Variants in FBRSL1 observed in about 807,000 individuals in gnomAD.
FBRSL1 encodes fibrosin-1-like protein.
In FBRSL1, 51 loss-of-function variants were observed where a neutral mutation model predicts 89.6. The observed-to-expected ratio is 0.57, with a 90% confidence interval of 0.45 to 0.72. The LOEUF (loss-of-function observed/expected upper bound fraction) is 0.72, where lower values mean the gene tolerates loss of function less well. Among genes scored for constraint, FBRSL1 ranks in the 30% least tolerant of loss-of-function variants. The pLI, the probability that FBRSL1 is intolerant of heterozygous loss-of-function variation, is 0.00. For missense variants in FBRSL1, 1,618 were observed against 1,451.8 expected (o/e 1.11, Z -1.86); for synonymous variants, 779 against 681.1 (o/e 1.14, Z -2.24).
chr12:132,540,998 C>T (rs921257912), intron 4 of FBRSL1, among the ~76,000 whole-genome samples: 1 of 152,088 alleles, frequency 6.6e-6, no homozygotes, highest in Non-Finnish European at 1.5e-5. Context: ...TACCCCAAGG[C>T]ACGTCAGGTG....
At position 132,583,101 on chromosome 12, in the gene FBRSL1, G is replaced by A. The variant is rs1289161133; in HGVS notation, c.2332G>A (p.Ala778Thr). Residue 778 changes from alanine to threonine, a missense_variant, in exon 19 of 19, where the codon GCC becomes ACC. By Grantham distance (58) the Ala-to-Thr change is moderately conservative. Transcript: ENST00000680143. ...GRSGAPAERE[A>T]EPRVKESRSP... ...GTCCGGGGCCCCCGCGGAGCGCGAG[G>A]CCGAACCTCGGGTCAAGGAGAGCCG... 1 of 1,455,058 alleles carries A rather than the reference G, an allele frequency of 6.9e-7. No homozygotes were observed. The highest frequency in any genetic ancestry group is 9.0e-7 in the Non-Finnish European group (1 of 1,107,314). 90.1% of individuals were successfully genotyped at this position (1,455,058 alleles called of 1,614,324 possible).
rs1431716062 is a variant in FBRSL1 at position 132,572,695 on chromosome 12, G to T, written c.1530+73G>T. On this transcript the variant is annotated intron_variant, in intron 11 of 18. Coordinates refer to ENST00000680143, the MANE Select transcript of FBRSL1 (RefSeq NM_001367871.1). ...TTTGGGGGGAGTGCATGACAACCTC[G>T]CCAAACTCTCTGCCCACAACCACCC... is the stretch of plus-strand genomic sequence containing the variant. 2.8e-6 allele frequency: 3 copies of T among 1,081,024 alleles called. 1 individual carries two copies. The highest frequency in any genetic ancestry group is 2.7e-5 in the South Asian group (2 of 74,612). The allele number at this position is 1,081,024 out of a possible 1,614,324, so 67.0% of individuals were successfully genotyped here.
At chr12:132,518,170 A>C (rs2035012856) in intron 2 of FBRSL1, among the ~76,000 whole-genome samples, 1 of 152,130 alleles carries the variant, frequency 6.6e-6, no homozygotes, top group African/African-American at 2.4e-5. Context: ...CGCACTTCCT[A>C]GGCCTTAACT....
intron 5 of FBRSL1, 89 bp downstream of exon 5, chr12:132,548,121 G>C (rs1370521395): frequency 1.4e-6 from 2 of 1,478,296 alleles, no homozygotes; most frequent in Non-Finnish European, 1.8e-6. Flanking sequence ...CTGGAGACCA[G>C]GCAGAAGATC....
intron 4 of FBRSL1, among the ~76,000 whole-genome samples, chr12:132,531,003 G>A (rs1270178289): frequency 6.6e-6 from 1 of 150,512 alleles, no homozygotes; most frequent in African/African-American, 2.4e-5. Context: ...GTGGGGGGGG[G>A]GGTGCAGGTG....
rs940259008 is a variant in FBRSL1 at position 132,584,028 on chromosome 12, A to G, written c.*250A>G. Reference sequence around the variant, plus strand: ...CCCCCCACAGATGAGAAGTGTTTGTAATGGATTTGTATTTTTCTTAATTTT... The same window carrying G: ...CCCCCCACAGATGAGAAGTGTTTGTGATGGATTTGTATTTTTCTTAATTTT... On this transcript the variant is annotated 3_prime_UTR_variant, in exon 19 of 19. Coordinates refer to ENST00000680143, the MANE Select transcript of FBRSL1 (RefSeq NM_001367871.1). The G allele has an allele frequency of 1.4e-5, 3 of 216,800 alleles. No homozygotes were observed. The highest frequency in any genetic ancestry group is 2.7e-5 in the Non-Finnish European group (3 of 110,076). The allele number at this position is 216,800 out of a possible 1,614,324, so 13.4% of individuals were successfully genotyped here.
Position 132,567,592 on chromosome 12 carries a change from C to T in FBRSL1, c.691+66C>T, listed in dbSNP as rs1396222882. 2.0e-5 allele frequency: 29 copies of T among 1,469,962 alleles called. 1 individual carries two copies. Among genetic ancestry groups the T allele is most frequent in the African/African-American group, 8.4e-5 (6 of 71,266 alleles). 91.1% of individuals were successfully genotyped at this position (1,469,962 alleles called of 1,614,324 possible). ...AGACACAATGCGCCCTGCGTCTTGG[C>T]GGCAGGACATCCCCCTGAAGTCAGG... On this transcript the variant is annotated intron_variant, in intron 6 of 18. Transcript: ENST00000680143.
intron 1 of FBRSL1, among the ~76,000 whole-genome samples, chr12:132,500,060 G>A (rs4883526): frequency 0.27 from 40,855 of 152,000 alleles, 5,744 homozygotes; most frequent in Non-Finnish European, 0.3. Flanking sequence ...ACGTGCACCC[G>A]GGACCCTCTG....
chr12:132,526,018 G>C (rs576812457), intron 3 of FBRSL1, among the ~76,000 whole-genome samples, 195 bp downstream of exon 3: 2 of 152,264 alleles, frequency 1.3e-5, no homozygotes, highest in African/African-American at 4.8e-5. Context: ...GTTAGGGTCC[G>C]GTTTCCCACC....
At chr12:132,521,165 C>T (rs1471945725) in intron 2 of FBRSL1, among the ~76,000 whole-genome samples, 1 of 152,250 alleles carries the variant, frequency 6.6e-6, no homozygotes, top group Non-Finnish European at 1.5e-5. Context: ...CGAGGGAGCA[C>T]TGTTTGCACT....
chr12:132,510,638 C>G (rs2034226694), intron 2 of FBRSL1: 2 of 1,230,206 alleles, frequency 1.6e-6, no homozygotes, highest in Non-Finnish European at 2.0e-6. Flanking sequence ...AGGCGGGAGC[C>G]CCTACAGTGC....
Position 132,571,103 on chromosome 12 carries a change from A to G in FBRSL1, c.1249A>G (p.Met417Val), listed in dbSNP as rs1480086154. 7.3e-7 allele frequency: 1 copy of G among 1,361,286 alleles called. No individual in the cohort carries two copies. The highest frequency in any genetic ancestry group is 1.5e-5 in the African/African-American group (1 of 67,706). The allele number at this position is 1,361,286 out of a possible 1,614,324, so 84.3% of individuals were successfully genotyped here. The change falls in exon 9 of 19, where the codon ATG becomes GTG. Residue 417 changes from methionine to valine, a missense_variant. Transcript: ENST00000680143. ...SLAVSFSQPI[M>V]YCQPHSGILI... ...GGCGGTCTCATTCAGCCAGCCAATC[A>G]TGTATTGCCAGCCTCATTCGGGAAT...
At position 132,581,865 on chromosome 12, in the gene FBRSL1, G is replaced by A. The variant is rs558339105; in HGVS notation, c.1996+41G>A. 78 of 1,400,628 alleles carry A rather than the reference G, an allele frequency of 5.6e-5. No individual in the cohort carries two copies. In the East Asian group the frequency reaches 6.0e-4, roughly 11 times the overall value. The allele number at this position is 1,400,628 out of a possible 1,614,324, so 86.8% of individuals were successfully genotyped here. A position where few individuals can be genotyped will look rare whatever the true frequency, so the allele number is the denominator to read the frequency against. On this transcript the variant is annotated intron_variant, in intron 17 of 18. Coordinates refer to ENST00000680143, the MANE Select transcript of FBRSL1 (RefSeq NM_001367871.1). Reference sequence around the variant, plus strand: ...TGTGCCCCCCTCCCCCGATGCCCGCGCCCCTCCCCCATGCCTGTGTCCTCT... The same window carrying A: ...TGTGCCCCCCTCCCCCGATGCCCGCACCCCTCCCCCATGCCTGTGTCCTCT...
At chr12:132,570,982 C>T in intron 8 of FBRSL1, 86 bp from the exon 9 acceptor site, 3 of 903,638 alleles carry the variant, frequency 3.3e-6, no homozygotes, top group Non-Finnish European at 4.0e-6. Flanking sequence ...GGCCCCGTGT[C>T]CCGGGATGGG....
chr12:132,574,210 C>A, intron 12 of FBRSL1, 52 bp downstream of exon 12: 3 of 1,435,170 alleles, frequency 2.1e-6, no homozygotes, highest in South Asian at 1.5e-5. Context: ...CTGCCCCGGC[C>A]GGGCCCTGTG....
chr12:132,512,543 T>G (rs2034459651), intron 2 of FBRSL1, among the ~76,000 whole-genome samples: 1 of 152,232 alleles, frequency 6.6e-6, no homozygotes, highest in Non-Finnish European at 1.5e-5. Flanking sequence ...TGAAGTTGCC[T>G]TCAGACGTCC....
chr12:132,571,091 A>G lies in FBRSL1; in HGVS notation c.1237A>G (p.Ser413Gly). 2 of 1,355,622 alleles carry G rather than the reference A, an allele frequency of 1.5e-6. No individual in the cohort carries two copies. The highest frequency in any genetic ancestry group is 1.9e-6 in the Non-Finnish European group (2 of 1,056,434). 84.0% of individuals were successfully genotyped at this position (1,355,622 alleles called of 1,614,324 possible). A position where few individuals can be genotyped will look rare whatever the true frequency, so the allele number is the denominator to read the frequency against. Residue 413 changes from serine (S) to glycine (G), a missense_variant, in exon 9 of 19, where the codon AGC becomes GGC. Ser to Gly is a moderately conservative substitution (Grantham distance 56). Coordinates refer to ENST00000680143, the MANE Select transcript of FBRSL1 (RefSeq NM_001367871.1). ...AGATGCCAGCCTGGCGGTCTCATTC[A>G]GCCAGCCAATCATGTATTGCCAGCC... ...PADASLAVSF[S>G]QPIMYCQPHS... is the part of the protein sequence containing the mutation.
At chr12:132,542,660 C>T (rs1460746377) in intron 4 of FBRSL1, among the ~76,000 whole-genome samples, 1 of 152,190 alleles carries the variant, frequency 6.6e-6, no homozygotes, top group Admixed American at 6.5e-5. Flanking sequence ...TTCCCCAATG[C>T]TGGGCCTAGA....
At chr12:132,532,043 A>G (rs2036333857) in intron 4 of FBRSL1, among the ~76,000 whole-genome samples, 1 of 152,172 alleles carries the variant, frequency 6.6e-6, no homozygotes, top group South Asian at 2.1e-4. Flanking sequence ...ATTAGACAGA[A>G]TGAGGATCCA....
Sources: allele counts gnomAD v4.1 joint callset (sites outside exome capture counted in the v4.1 genomes callset), GRCh38; gene constraint gnomAD v4.1.1; transcripts MANE v1.5; gene names NCBI Gene and HGNC (gene_info 2026-07-23, HGNC 2026-07-21).